Variants in TLL1 observed in about 807,000 individuals in gnomAD.
TLL1 encodes tolloid-like protein 1.
Under a neutral mutation model 128.2 loss-of-function variants are expected in TLL1, and 49 were observed. The ratio of observed to expected loss-of-function variants is 0.38; its 90% CI spans 0.30 to 0.48. The LOEUF is 0.48. TLL1 is among the 20% of genes least tolerant of loss of function. The probability of loss-of-function intolerance (pLI) is 0.96; values close to 1 mark genes in which losing one functional copy is unlikely to be tolerated. For missense variants in TLL1, 1,123 were observed against 1,242.0 expected (o/e 0.90, Z 1.44); for synonymous variants, 454 against 418.8 (o/e 1.08, Z -1.03).
chr4:165,987,493 CTAT>C (rs1400505134), intron 1 of TLL1, among the ~76,000 whole-genome samples: 1 of 152,024 alleles, frequency 6.6e-6, no homozygotes, highest in Admixed American at 6.6e-5. Context: ...GTGTTATAAA[CTAT>C]TCTGTACACT....
At chr4:166,098,574 AAT>A (rs1742136401) in intron 19 of TLL1, among the ~76,000 whole-genome samples, 1 of 152,040 alleles carries the variant, frequency 6.6e-6, no homozygotes, top group African/African-American at 2.4e-5. Flanking sequence ...TTTTTCATGT[AAT>A]AAACACAGGC....
At chr4:166,053,532 C>A (rs978216559) in intron 12 of TLL1, among the ~76,000 whole-genome samples, 1 of 152,090 alleles carries the variant, frequency 6.6e-6, no homozygotes, top group Non-Finnish European at 1.5e-5. Flanking sequence ...TAGGAAGCAG[C>A]AAATGTAGTA....
intron 18 of TLL1, among the ~76,000 whole-genome samples, chr4:166,080,840 C>A (rs142821245): frequency 1.2e-3 from 176 of 152,214 alleles, no homozygotes; most frequent in African/African-American, 4.1e-3. Context: ...CTCAATGCTT[C>A]TATTTTACCC....
chr4:166,036,712 C>T (rs548056808), intron 9 of TLL1, among the ~76,000 whole-genome samples: 5 of 151,844 alleles, frequency 3.3e-5, no homozygotes, highest in African/African-American at 1.2e-4. Context: ...TTATGTTCCT[C>T]CATGGTGCTT....
At position 166,003,696 on chromosome 4, in the gene TLL1, G is replaced by T; in HGVS notation, c.811+127G>T. 3.0e-6 allele frequency: 3 copies of T among 1,005,200 alleles called. No individual in the cohort carries two copies. The South Asian group carries it at 4.2e-5, about 14-fold the overall frequency. The allele number at this position is 1,005,200 out of a possible 1,614,324, so 62.3% of individuals were successfully genotyped here. Reference sequence around the variant, plus strand: ...TTTTGATATGATAGAGTAACATTTTGCTTGATTAAAAATCACCCATGATGA... The same window carrying T: ...TTTTGATATGATAGAGTAACATTTTTCTTGATTAAAAATCACCCATGATGA... On this transcript the variant is annotated intron_variant, in intron 6 of 20. Transcript: ENST00000061240.
chr4:166,007,922 T>G, intron 6 of TLL1, 21 bp from the exon 7 acceptor site: 1 of 1,525,084 alleles, frequency 6.6e-7, no homozygotes. Context: ...TTCTGAGATT[T>G]TGTTTATCCC....
chr4:165,895,633 T>TA (rs57920393), intron 1 of TLL1, among the ~76,000 whole-genome samples: 1,629 of 68,368 alleles, frequency 0.024, 217 homozygotes, highest in African/African-American at 0.071. Flanking sequence ...AGACTTTTTG[T>TA]AAAAAAAAAA....
rs34771571 is a variant in TLL1 at position 166,057,381 on chromosome 4, GTCTTCC to G, written c.1846+77_1846+82del. 2,639 of 1,560,922 alleles carry G rather than the reference GTCTTCC, an allele frequency of 1.7e-3. 37 individuals carry two copies. The African/African-American group carries it at 0.038, about 22-fold the overall frequency. ...TTTCTTATATTCTCATTCTCTGTCT[GTCTTCC>G]TCTTTCTTTCCCTTTTTCCTATAGT... On this transcript the variant is annotated intron_variant, in intron 14 of 20. Transcript: ENST00000061240.
chr4:165,959,197 T>G (rs550166862), intron 1 of TLL1, among the ~76,000 whole-genome samples: 21 of 151,912 alleles, frequency 1.4e-4, no homozygotes, highest in Admixed American at 2.6e-4. Context: ...CGATGCGGGC[T>G]TTTTTTTGGT....
At chr4:166,070,730 C>G (rs1237192720) in intron 16 of TLL1, among the ~76,000 whole-genome samples, 1 of 151,884 alleles carries the variant, frequency 6.6e-6, no homozygotes, top group Non-Finnish European at 1.5e-5. Context: ...CAAGTGATTT[C>G]AATTGACATG....
chr4:165,980,481 A>G (rs1460725612), intron 1 of TLL1, among the ~76,000 whole-genome samples: 3 of 152,174 alleles, frequency 2.0e-5, no homozygotes, highest in Non-Finnish European at 4.4e-5. Flanking sequence ...GGCATAGCCT[A>G]AGAAAATAAA....
chr4:165,978,866 A>T (rs1220537378), intron 1 of TLL1, among the ~76,000 whole-genome samples: 1 of 152,088 alleles, frequency 6.6e-6, no homozygotes, highest in Non-Finnish European at 1.5e-5. Flanking sequence ...GTCATCCTTT[A>T]TTTCCTTACT....
At chr4:165,915,620 T>C (rs1291264709) in intron 1 of TLL1, among the ~76,000 whole-genome samples, 1 of 152,172 alleles carries the variant, frequency 6.6e-6, no homozygotes, top group African/African-American at 2.4e-5. Flanking sequence ...TTGCCTAAAG[T>C]TACATGTGAG....
rs577136587 is a variant in TLL1, at chr4:165,973,734, C to T, written c.170-15647C>T. 4.0e-5 allele frequency among the ~76,000 whole-genome samples: 6 copies of T among 151,362 alleles called. No homozygotes were observed. In the East Asian group the frequency reaches 5.9e-4, roughly 15 times the overall value. ...ACACTGGAGTGCAGTGGTACAATCT[C>T]GGCTCACTGCAATCTGCACCTCCCA... is the stretch of plus-strand genomic sequence containing the variant. On this transcript the variant is annotated intron_variant, in intron 1 of 20. Coordinates refer to ENST00000061240, the MANE Select transcript of TLL1 (RefSeq NM_012464.5).
chr4:165,904,086 T>C (rs28583095), intron 1 of TLL1, among the ~76,000 whole-genome samples: 1 of 152,154 alleles, frequency 6.6e-6, no homozygotes, highest in Non-Finnish European at 1.5e-5. Flanking sequence ...TATGGCATCT[T>C]TTTCAAAAAA....
intron 1 of TLL1, among the ~76,000 whole-genome samples, chr4:165,909,080 G>T (rs1226846341): frequency 1.3e-5 from 2 of 151,998 alleles, no homozygotes; most frequent in Non-Finnish European, 2.9e-5. Context: ...CCATCTACTC[G>T]GGAGGCTGAG....
intron 1 of TLL1, among the ~76,000 whole-genome samples, chr4:165,980,121 C>G (rs558773122): frequency 2.8e-4 from 43 of 152,250 alleles, no homozygotes; most frequent in African/African-American, 1.0e-3. Context: ...CCATGTTTAA[C>G]AAGCACTCTT....
At chr4:166,058,402 A>G (rs536573615) in intron 14 of TLL1, among the ~76,000 whole-genome samples, 36 of 152,330 alleles carry the variant, frequency 2.4e-4, no homozygotes, top group Non-Finnish European at 4.0e-4. Flanking sequence ...TAGCACAGTC[A>G]GACATAAAGC....
intron 1 of TLL1, among the ~76,000 whole-genome samples, chr4:165,910,279 A>G (rs1732469052): frequency 6.6e-6 from 1 of 152,206 alleles, no homozygotes; most frequent in African/African-American, 2.4e-5. Context: ...TCTTGGGAGC[A>G]GATGAGCTTA....
Sources: allele counts gnomAD v4.1 joint callset (sites outside exome capture counted in the v4.1 genomes callset), GRCh38; gene constraint gnomAD v4.1.1; transcripts MANE v1.5; gene names NCBI Gene and HGNC (gene_info 2026-07-23, HGNC 2026-07-21).